The following CCDC40 variants were observed in gnomAD, a reference collection of about 807,000 sequenced individuals.
The protein encoded by CCDC40 is coiled-coil domain-containing protein 40.
CCDC40 carries 104 observed loss-of-function variants against 124.5 expected under a neutral mutation model. The observed-to-expected ratio is 0.84, with a 90% CI of 0.71 to 0.98. The LOEUF (loss-of-function observed/expected upper bound fraction) is 0.98, where lower values mean the gene tolerates loss of function less well. Among genes scored for constraint, CCDC40 ranks in the 50% least tolerant of loss-of-function variants. The probability of loss-of-function intolerance (pLI) is 0.00; values close to 1 mark genes in which losing one functional copy is unlikely to be tolerated. For synonymous variants in CCDC40, 580 were observed against 602.9 expected, an observed-to-expected ratio of 0.96 and a Z score of 0.56; for missense variants, 1,463 against 1,503.9, an observed-to-expected ratio of 0.97 and a Z score of 0.45.
rs1225137466 is a variant in CCDC40 at position 80,058,957 on chromosome 17, A to C, written c.1417A>C (p.Ile473Leu). Residue 473 changes from isoleucine (I) to leucine (L), a missense_variant, in exon 9 of 20, where the codon ATT becomes CTT. By Grantham distance (5) the Ile-to-Leu change is conservative. Transcript: ENST00000397545. The surrounding 1 kb of genome is among the most constrained non-coding windows in gnomAD (Gnocchi z 4.2). Reference protein sequence around the residue: ...QYLAQAEDTRILRKAVSEACT... With the variant: ...QYLAQAEDTRLLRKAVSEACT... ...CTTGGCCCAAGCTGAGGACACCCGG[A>C]TTTTAAGGAAAGCAGTGAGTGAGGT... 6.2e-7 allele frequency: 1 copy of C among 1,614,148 alleles called. No homozygotes were observed. The highest frequency in any genetic ancestry group is 1.3e-5 in the African/African-American group (1 of 75,044).
At position 80,066,530 on chromosome 17, in the gene CCDC40, G is replaced by GGT. The variant is rs2038050865; in HGVS notation, c.1562+926_1562+927dup. The GGT allele has an allele frequency of 4.8e-6, 1 of 206,388 alleles. No individual in the cohort carries two copies. Among genetic ancestry groups the GGT allele is most frequent in the South Asian group, 8.2e-5 (1 of 12,258 alleles). The allele number at this position is 206,388 out of a possible 1,614,324, so 12.8% of individuals were successfully genotyped here. On this transcript the variant is annotated intron_variant, in intron 10 of 19. Coordinates refer to ENST00000397545, the MANE Select transcript of CCDC40 (RefSeq NM_017950.4). This position sits in a 1 kb window ranked among gnomAD's most constrained non-coding sequence, Gnocchi z 4.4. ...CCCAACATTTTGGGAGGCTGAGACGGGTGGGTCACGAGGCCAGGAGTTCAA... is the reference window on the plus strand; with the variant it reads ...CCCAACATTTTGGGAGGCTGAGACGGGTGTGGGTCACGAGGCCAGGAGTTCAA...
intron 1 of CCDC40, 133 bp downstream of exon 1, chr17:80,036,824 C>T (rs2037074318): frequency 2.4e-6 from 2 of 828,290 alleles, no homozygotes; most frequent in African/African-American, 1.8e-5. Flanking sequence ...GCCTGTGTCC[C>T]TTCTCTCGCC....
chr17:80,054,168 A>G (rs776985202), intron 7 of CCDC40, among the ~76,000 whole-genome samples: 4 of 152,162 alleles, frequency 2.6e-5, no homozygotes, highest in Non-Finnish European at 5.9e-5. Flanking sequence ...TTTTTTTTAA[A>G]TGACCAATAA....
At chr17:80,046,601 C>T (rs2037426319) in intron 3 of CCDC40, among the ~76,000 whole-genome samples, 1 of 151,850 alleles carries the variant, frequency 6.6e-6, no homozygotes, top group Non-Finnish European at 1.5e-5. Flanking sequence ...TAAGTGTAAA[C>T]ACCCAGGCAC....
intron 10 of CCDC40, among the ~76,000 whole-genome samples, chr17:80,076,884 T>A (rs2038323018): frequency 6.6e-6 from 1 of 152,022 alleles, no homozygotes; most frequent in African/African-American, 2.4e-5. Context: ...TAGCTGGGAT[T>A]ACAGGTGCCC....
intron 3 of CCDC40, among the ~76,000 whole-genome samples, chr17:80,045,033 G>T (rs2037386545): frequency 1.3e-5 from 2 of 152,276 alleles, no homozygotes; most frequent in South Asian, 4.1e-4. Flanking sequence ...CCTGGAGATG[G>T]GTTTTGACCC....
chr17:80,089,732 A>T lies in CCDC40; in HGVS notation c.2712-32A>T. On this transcript the variant is annotated intron_variant, in intron 16 of 19. Transcript: ENST00000397545. ...ACCGAAGCATCAGAAGAAAACTCCT[A>T]ATTTCTTACACTGCCTCTCCTACCT... 1.9e-6 allele frequency: 3 copies of T among 1,613,628 alleles called. No individual in the cohort carries two copies. The African/African-American group carries it at 4.0e-5, about 22-fold the overall frequency.
In CCDC40 at chr17:80,058,691, C is replaced by A. The variant is rs753166433; in HGVS notation, c.1317+40C>A. On this transcript the variant is annotated intron_variant, in intron 8 of 19. Transcript: ENST00000397545. This position sits in a 1 kb window ranked among gnomAD's most constrained non-coding sequence, Gnocchi z 4.2. ...CGACACATGTTTAATGATCACCAGA[C>A]CGTGGAGCTTCAAAAAGGGGCTCAG... is the stretch of plus-strand genomic sequence containing the variant. The A allele has an allele frequency of 6.2e-7, 1 of 1,611,832 alleles. No individual in the cohort carries two copies. The highest frequency in any genetic ancestry group is 1.7e-5 in the Admixed American group (1 of 60,004).
At position 80,058,626 on chromosome 17, in the gene CCDC40, G is replaced by A. The variant is rs766914160; in HGVS notation, c.1292G>A (p.Arg431Gln). ...VVKKAETERI[R>Q]AEIEKKKQDL... ...AAGAAGGCCGAGACGGAGAGGATCC[G>A]GGCAGAAATCGAGAAGAAAAAGCAG... is the stretch of plus-strand genomic sequence containing the variant. The change falls in exon 8 of 20, where the codon CGG (arginine) becomes CAG (glutamine). Residue 431 changes from arginine (R) to glutamine (Q), a missense_variant. Arg to Gln is a conservative substitution (Grantham distance 43). Transcript: ENST00000397545. This position sits in a 1 kb window ranked among gnomAD's most constrained non-coding sequence, Gnocchi z 4.2. 40 of 1,614,094 alleles carry A rather than the reference G, an allele frequency of 2.5e-5. No homozygotes were observed. The highest frequency in any genetic ancestry group is 4.0e-5 in the African/African-American group (3 of 74,942).
chr17:80,071,440 C>T (rs899400377), intron 10 of CCDC40, among the ~76,000 whole-genome samples: 2 of 152,208 alleles, frequency 1.3e-5, no homozygotes, highest in South Asian at 2.1e-4. Context: ...CCGGCCTTGA[C>T]CACAGGCTGC....
In CCDC40 at chr17:80,086,017, G is replaced by T; in HGVS notation, c.2250G>T (p.Gly750=). The T allele has an allele frequency of 6.2e-7, 1 of 1,613,996 alleles. No individual in the cohort carries two copies. The change falls in exon 14 of 20, where the codon GGG becomes GGT. Residue 750 remains glycine (G), a synonymous_variant. Coordinates refer to ENST00000397545, the MANE Select transcript of CCDC40 (RefSeq NM_017950.4). This position sits in a 1 kb window ranked among gnomAD's most constrained non-coding sequence, Gnocchi z 5.5. ...MVSELGGEEV[G]PLELEIKRLS... ...ATCCGGTCTAGGGGGAAGAAGTGGG[G>T]CCCCTGGAGCTTGAAATCAAAAGGC...
At chr17:80,097,526 C>A in intron 19 of CCDC40, 123 bp downstream of exon 19, 1 of 978,302 alleles carries the variant, frequency 1.0e-6, no homozygotes, top group Non-Finnish European at 1.5e-6. Context: ...CTCTCCTGAT[C>A]CCAGGCCAGT....
intron 2 of CCDC40, among the ~76,000 whole-genome samples, chr17:80,038,665 A>C (rs2037193422): frequency 6.6e-6 from 1 of 151,290 alleles, no homozygotes; most frequent in South Asian, 2.1e-4. Flanking sequence ...TCTCTACTAA[A>C]AATACAAAAA....
intron 3 of CCDC40, among the ~76,000 whole-genome samples, chr17:80,044,979 G>A (rs1162223151): frequency 3.3e-5 from 5 of 152,108 alleles, no homozygotes; most frequent in South Asian, 2.1e-4. Flanking sequence ...TTGTGCACAC[G>A]GACACCCGGA....
chr17:80,044,701 ACAAACAAAAAAAAAAAT>A (rs1156997846), intron 3 of CCDC40, among the ~76,000 whole-genome samples: 704 of 44,844 alleles, frequency 0.016, 15 homozygotes, highest in Non-Finnish European at 0.021. Context: ...AACAAAACAA[ACAAACAAAAAAAAAAAT>A]ATATATATAT....
Position 80,100,408 on chromosome 17 carries a change from C to G in CCDC40, c.*633C>G, listed in dbSNP as rs117359231. On this transcript the variant is annotated 3_prime_UTR_variant, in exon 20 of 20. Coordinates refer to ENST00000397545, the MANE Select transcript of CCDC40 (RefSeq NM_017950.4). ...GGGTGAGCACTGAAATAAGAGCACG[C>G]TGGGGCGTCCACACCAAGGGACTAC... 6.4e-4 allele frequency: 101 copies of G among 157,452 alleles called. 2 individuals are homozygous for G. The East Asian group carries it at 0.016, about 25-fold the overall frequency. 9.8% of individuals were successfully genotyped at this position (157,452 alleles called of 1,614,324 possible).
intron 10 of CCDC40, among the ~76,000 whole-genome samples, chr17:80,073,850 C>A (rs1052972218): frequency 6.6e-6 from 1 of 151,660 alleles, no homozygotes; most frequent in Non-Finnish European, 1.5e-5. Flanking sequence ...TGCCTGCCAC[C>A]GTGCCCGGCT....
rs1168726159 is a variant in CCDC40 at position 80,088,056 on chromosome 17, C to T, written c.2665C>T (p.Leu889Phe). The T allele has an allele frequency of 6.2e-7, 1 of 1,613,832 alleles. No homozygotes were observed. Among genetic ancestry groups the T allele is most frequent in the African/African-American group, 1.3e-5 (1 of 74,978 alleles). ...CAAGATGCAGGACAAGCTGAACCAG[C>T]TCAGCGAGGAGAAGGCGACCCTCCT... is the stretch of plus-strand genomic sequence containing the variant. ...TIKMQDKLNQ[L>F]SEEKATLLNQ... Residue 889 changes from leucine (L) to phenylalanine (F), a missense_variant, in exon 16 of 20, where the codon CTC becomes TTC. By Grantham distance (22) the Leu-to-Phe change is conservative. Transcript: ENST00000397545.
intron 17 of CCDC40, among the ~76,000 whole-genome samples, chr17:80,091,231 TTG>T (rs1296887814): frequency 3.3e-5 from 5 of 152,134 alleles, no homozygotes; most frequent in African/African-American, 1.2e-4. Context: ...TTCCAATTTG[TTG>T]TTGGTGTTAT....
Sources: allele counts gnomAD v4.1 joint callset (sites outside exome capture counted in the v4.1 genomes callset), GRCh38; gene constraint gnomAD v4.1.1; non-coding constraint Gnocchi (gnomAD v3.1); transcripts MANE v1.5; gene names NCBI Gene and HGNC (gene_info 2026-07-23, HGNC 2026-07-21).